The following FOXN3 variants were observed in gnomAD, a reference collection of about 807,000 sequenced individuals.
FOXN3 encodes the protein forkhead box N3.
In FOXN3, 7 loss-of-function variants were observed where a neutral mutation model predicts 38.4. That is an observed-to-expected ratio of 0.18 (90% CI 0.10 to 0.34). The LOEUF is 0.34. Ranked by LOEUF, FOXN3 falls within the 10% of genes least tolerant of loss-of-function variation. FOXN3 has a pLI of 1.00. For synonymous variants in FOXN3, 230 were observed against 242.2 expected (o/e 0.95, Z 0.47); for missense variants, 456 against 613.4 (o/e 0.74, Z 2.71).
At chr14:89,180,909 A>AGAGGG in intron 4 of FOXN3, 103 bp from the exon 5 acceptor site, 1 of 349,704 alleles carries the variant, frequency 2.9e-6, no homozygotes, top group East Asian at 4.6e-5. Context: ...AGAGAGAGAG[A>AGAGGG]CAGAGGGCAG....
At chr14:89,336,623 C>G (rs567204756) in intron 3 of FOXN3, among the ~76,000 whole-genome samples, 1 of 152,172 alleles carries the variant, frequency 6.6e-6, no homozygotes, top group Non-Finnish European at 1.5e-5. Flanking sequence ...TAGCCTCTCA[C>G]ATGCTGTCTG....
Position 89,158,536 on chromosome 14 carries a change from T to C in FOXN3, c.*3878A>G, listed in dbSNP as rs1271336687. On this transcript the variant is annotated 3_prime_UTR_variant, in exon 6 of 6. Coordinates refer to ENST00000557258, the MANE Select transcript of FOXN3 (RefSeq NM_005197.4). Reference sequence around the variant, plus strand: ...GAAATATGGGTTTGGTTCATTTTAGTTTCAGATAGATGGCTTCACCAAAGA... The same window carrying C: ...GAAATATGGGTTTGGTTCATTTTAGCTTCAGATAGATGGCTTCACCAAAGA... The C allele has an allele frequency of 6.6e-5, 10 of 152,628 alleles. No homozygotes were observed. The highest frequency in any genetic ancestry group is 1.3e-4 in the Non-Finnish European group (9 of 68,042). 9.5% of individuals were successfully genotyped at this position (152,628 alleles called of 1,614,324 possible). A position where few individuals can be genotyped will look rare whatever the true frequency, so the allele number is the denominator to read the frequency against.
At chr14:89,377,768 T>A (rs1224588190) in intron 2 of FOXN3, among the ~76,000 whole-genome samples, 1 of 152,194 alleles carries the variant, frequency 6.6e-6, no homozygotes, top group Non-Finnish European at 1.5e-5. Context: ...TTGAAACCAA[T>A]TCACGTGTTG....
chr14:89,287,743 G>C (rs1209290439), intron 3 of FOXN3, among the ~76,000 whole-genome samples: 1 of 85,908 alleles, frequency 1.2e-5, no homozygotes, highest in African/African-American at 4.8e-5. Flanking sequence ...TTACTCTAAA[G>C]AATGCTAAAA....
At chr14:89,572,194 C>CAG (rs1347726524) in intron 1 of FOXN3, among the ~76,000 whole-genome samples, 1 of 152,150 alleles carries the variant, frequency 6.6e-6, no homozygotes, top group East Asian at 1.9e-4. Flanking sequence ...CTAAAGTATA[C>CAG]AGATCATACA....
At chr14:89,450,710 C>T (rs1256692188) in intron 1 of FOXN3, among the ~76,000 whole-genome samples, 1 of 152,024 alleles carries the variant, frequency 6.6e-6, no homozygotes, top group African/African-American at 2.4e-5. Context: ...CTCAGCCTCC[C>T]GGGTAGCTGG....
chr14:89,405,502 C>T (rs1023747033), intron 2 of FOXN3, among the ~76,000 whole-genome samples: 1 of 152,042 alleles, frequency 6.6e-6, no homozygotes, highest in African/African-American at 2.4e-5. Flanking sequence ...GTGAAGAGAA[C>T]AGCAAATTAG....
chr14:89,540,962 G>A (rs954304217), intron 1 of FOXN3, among the ~76,000 whole-genome samples: 4 of 152,102 alleles, frequency 2.6e-5, no homozygotes, highest in African/African-American at 9.7e-5. Flanking sequence ...GGAACTGAAT[G>A]AATGAATGAA....
intron 4 of FOXN3, among the ~76,000 whole-genome samples, chr14:89,199,890 C>T (rs1182438776): frequency 2.6e-5 from 4 of 151,922 alleles, no homozygotes; most frequent in African/African-American, 9.7e-5. Flanking sequence ...GGCGACACAG[C>T]GAGACTCCAT....
chr14:89,333,990 A>G lies in FOXN3; in HGVS notation c.680+16682T>C, dbSNP rs866383707. Among the ~76,000 whole-genome samples the G allele has an allele frequency of 6.7e-3, 604 of 90,712 alleles. 20 individuals carry two copies. The highest frequency in any genetic ancestry group is 0.03 in the African/African-American group (557 of 18,594). 59.5% of individuals were successfully genotyped at this position (90,712 alleles called of 152,430 possible). A position where few individuals can be genotyped will look rare whatever the true frequency, so the allele number is the denominator to read the frequency against. On this transcript the variant is annotated intron_variant, in intron 3 of 5. Coordinates refer to ENST00000557258, the MANE Select transcript of FOXN3 (RefSeq NM_005197.4). ...TGTATATATATATATATATATATATATATATATATATATATATATGTATAT... is the reference window on the plus strand; with the variant it reads ...TGTATATATATATATATATATATATGTATATATATATATATATATGTATAT...
intron 4 of FOXN3, among the ~76,000 whole-genome samples, chr14:89,276,573 T>A (rs1312292055): frequency 6.6e-6 from 1 of 152,132 alleles, no homozygotes; most frequent in Non-Finnish European, 1.5e-5. Flanking sequence ...CTAGGACTCG[T>A]GGTCTGACCA....
In FOXN3 at chr14:89,588,027, G is replaced by A. The variant is rs527755089; in HGVS notation, c.-15+31001C>T. 5.3e-5 allele frequency among the ~76,000 whole-genome samples: 8 copies of A among 152,246 alleles called. No homozygotes were observed. The East Asian group carries it at 1.5e-3, about 29-fold the overall frequency. On this transcript the variant is annotated intron_variant, in intron 1 of 6. Coordinates refer to the FOXN3 transcript ENST00000345097. ...TCAAATTGTAATCCCCAGTGTTGGA[G>A]ATGGAGCCTGGTGGGAGGTGACTGG...
chr14:89,508,433 T>TA (rs1893993528), intron 1 of FOXN3, among the ~76,000 whole-genome samples: 1 of 152,184 alleles, frequency 6.6e-6, no homozygotes, highest in African/African-American at 2.4e-5. Context: ...AGAGCCAGAG[T>TA]ATCAGCTCCC....
At chr14:89,506,330 G>A (rs1351526529) in intron 1 of FOXN3, among the ~76,000 whole-genome samples, 1 of 67,624 alleles carries the variant, frequency 1.5e-5, no homozygotes, top group Non-Finnish European at 3.9e-5. Context: ...GAGGTGGGGG[G>A]GTCAGCCCCC....
intron 3 of FOXN3, among the ~76,000 whole-genome samples, chr14:89,322,943 T>C (rs1887936284): frequency 6.6e-6 from 1 of 152,066 alleles, no homozygotes; most frequent in Non-Finnish European, 1.5e-5. Context: ...ATACATAATG[T>C]GCAAGTGGTA....
At chr14:89,367,486 G>A (rs1377952649) in intron 2 of FOXN3, among the ~76,000 whole-genome samples, 2 of 152,162 alleles carry the variant, frequency 1.3e-5, no homozygotes, top group African/African-American at 4.8e-5. Context: ...TCAGCGCTGG[G>A]TAAGATATGG....
chr14:89,209,392 T>G (rs753656378), intron 4 of FOXN3, among the ~76,000 whole-genome samples: 2 of 152,204 alleles, frequency 1.3e-5, no homozygotes, highest in African/African-American at 4.8e-5. Flanking sequence ...CTAGAAAAAT[T>G]TGAGAGATAT....
At chr14:89,574,898 C>G (rs1054208283) in intron 1 of FOXN3, among the ~76,000 whole-genome samples, 1 of 152,008 alleles carries the variant, frequency 6.6e-6, no homozygotes, top group Non-Finnish European at 1.5e-5. Flanking sequence ...TTGTAAATTT[C>G]TATTTCTTCT....
chr14:89,612,233 A>G (rs1566718225), intron 1 of FOXN3, among the ~76,000 whole-genome samples: 1 of 152,132 alleles, frequency 6.6e-6, no homozygotes, highest in Non-Finnish European at 1.5e-5. Flanking sequence ...AGCTAATATG[A>G]GAACCAATTA....
Sources: gnomAD v4.1 joint callset for allele counts (sites outside exome capture counted in the v4.1 genomes callset) on GRCh38, gnomAD v4.1.1 for gene constraint, MANE v1.5 for transcripts, NCBI Gene and HGNC (gene_info 2026-07-23, HGNC 2026-07-21) for gene names.